Variants in KIF17 observed in about 807,000 individuals in gnomAD.
KIF17 encodes the protein kinesin-like protein KIF17.
Under a neutral mutation model 96.8 loss-of-function variants are expected in KIF17, and 80 were observed. The observed-to-expected ratio is 0.83, with a 90% confidence interval of 0.69 to 1.00. KIF17 has a LOEUF of 1.00. Among genes scored for constraint, KIF17 ranks in the 50% least tolerant of loss-of-function variants. KIF17 has a pLI of 0.00. For synonymous variants in KIF17, 567 were observed against 587.5 expected (o/e 0.97, Z 0.51); for missense variants, 1,280 against 1,372.9 (o/e 0.93, Z 1.07).
rs774976007 is a variant in KIF17 at position 20,684,916 on chromosome 1, C to T, written c.2124G>A (p.Glu708=). The T allele has an allele frequency of 3.8e-6, 6 of 1,595,214 alleles. No individual in the cohort carries two copies. The East Asian group carries it at 9.2e-5, about 24-fold the overall frequency. ...QAPVALVAQP[E]PLPATAGVKR... ...TCACACCAGCTGTGGCCGGCAGGGG[C>T]TCAGGCTGAGCCACCAGGGCCACCG... is the stretch of plus-strand genomic sequence containing the variant. Residue 708 remains glutamate (E), a synonymous_variant, in exon 10 of 15, where the codon GAG becomes GAA. Transcript: ENST00000400463.
chr1:20,701,794 G>A (rs548302426), intron 5 of KIF17, among the ~76,000 whole-genome samples: 11 of 152,312 alleles, frequency 7.2e-5, no homozygotes, highest in East Asian at 1.9e-4. Context: ...GGAGGCCATC[G>A]GTGACAAGGA....
chr1:20,686,921 G>A (rs1417130026), intron 8 of KIF17, among the ~76,000 whole-genome samples: 1 of 152,160 alleles, frequency 6.6e-6, no homozygotes, highest in Non-Finnish European at 1.5e-5. Context: ...GTTGGTCAGG[G>A]GGCCAGATGG....
At chr1:20,698,925 A>C (rs1380345309) in intron 5 of KIF17, among the ~76,000 whole-genome samples, 1 of 152,150 alleles carries the variant, frequency 6.6e-6, no homozygotes, top group Non-Finnish European at 1.5e-5. Flanking sequence ...TGGGAGTCAG[A>C]AGCAGTTAGA....
chr1:20,677,098 C>CTATA (rs1192536068), intron 11 of KIF17, among the ~76,000 whole-genome samples: 1 of 152,188 alleles, frequency 6.6e-6, no homozygotes, highest in East Asian at 1.9e-4. Flanking sequence ...GTAGTCCCAG[C>CTATA]TATTCGGGAG....
chr1:20,686,958 G>C (rs770146118), intron 8 of KIF17, among the ~76,000 whole-genome samples: 1 of 152,110 alleles, frequency 6.6e-6, no homozygotes, highest in Non-Finnish European at 1.5e-5. Context: ...CAGAAGCCTC[G>C]TGGTCACTGA....
chr1:20,717,275 T>C (rs2054594216), intron 1 of KIF17: 1 of 600,914 alleles, frequency 1.7e-6, no homozygotes, highest in Admixed American at 3.0e-5. Flanking sequence ...ACGCTGGGGA[T>C]AGTGCAGACC....
At chr1:20,674,395 G>A (rs1485571961) in intron 11 of KIF17, among the ~76,000 whole-genome samples, 1 of 152,036 alleles carries the variant, frequency 6.6e-6, no homozygotes, top group Admixed American at 6.6e-5. Context: ...TGAGTAGCAG[G>A]GACTCCAGGT....
chr1:20,711,064 C>T (rs2054426772), intron 3 of KIF17, among the ~76,000 whole-genome samples: 1 of 152,120 alleles, frequency 6.6e-6, no homozygotes. Context: ...TGTTCTGTGA[C>T]TTGCTGGTTG....
chr1:20,691,418 A>G lies in KIF17; in HGVS notation c.1234-1083T>C, dbSNP rs1005182121. Among the ~76,000 whole-genome samples the G allele has an allele frequency of 2.6e-5, 4 of 151,508 alleles. No individual in the cohort carries two copies. The East Asian group carries it at 7.8e-4, about 29-fold the overall frequency. ...CACCCCAGCCTCCCAGAGTGTTGGG[A>G]TTACAGGCATAAGCCACCACACCCA... On this transcript the variant is annotated intron_variant, in intron 6 of 14. Coordinates refer to ENST00000400463, the MANE Select transcript of KIF17 (RefSeq NM_001122819.3).
At chr1:20,681,471 C>T (rs1054235737) in intron 11 of KIF17, among the ~76,000 whole-genome samples, 6 of 151,930 alleles carry the variant, frequency 3.9e-5, no homozygotes, top group East Asian at 2.0e-4. Context: ...GGATTACAGG[C>T]GAGAGCCACC....
At chr1:20,711,699 C>T (rs1043054844) in intron 3 of KIF17, among the ~76,000 whole-genome samples, 3 of 152,178 alleles carry the variant, frequency 2.0e-5, no homozygotes, top group African/African-American at 4.8e-5. Flanking sequence ...GGGGATAGAA[C>T]TCTGCTTCCC....
intron 11 of KIF17, among the ~76,000 whole-genome samples, chr1:20,677,501 G>T (rs956760283): frequency 1.3e-5 from 2 of 152,188 alleles, no homozygotes; most frequent in Non-Finnish European, 2.9e-5. Flanking sequence ...TGTTTATCAA[G>T]AGAGGACTGA....
chr1:20,682,878 C>G lies in KIF17; in HGVS notation c.2238G>C (p.Gln746His). ...CACCCACAACCTGCTGCTCCAACAG[C>G]TGCAGACTGCCGGCGTGGAGGAGAA... is the stretch of plus-strand genomic sequence containing the variant. ...VDQQQVLARL[Q>H]LLEQQVVGGE... Residue 746 changes from glutamine (Q) to histidine (H), a missense_variant, in exon 11 of 15, where the codon CAG (glutamine) becomes CAC (histidine). Transcript: ENST00000400463. The G allele has an allele frequency of 1.2e-6, 2 of 1,609,896 alleles. No individual in the cohort carries two copies. Among genetic ancestry groups the G allele is most frequent in the Non-Finnish European group, 1.7e-6 (2 of 1,179,410 alleles).
At position 20,672,341 on chromosome 1, in the gene KIF17, A is replaced by G; in HGVS notation, c.2464-145T>C. The G allele has an allele frequency of 9.9e-7, 1 of 1,005,184 alleles. No homozygotes were observed. Among genetic ancestry groups the G allele is most frequent in the East Asian group, 2.6e-5 (1 of 38,218 alleles). The allele number at this position is 1,005,184 out of a possible 1,614,324, so 62.3% of individuals were successfully genotyped here. A position where few individuals can be genotyped will look rare whatever the true frequency, so the allele number is the denominator to read the frequency against. On this transcript the variant is annotated intron_variant, in intron 11 of 14. Coordinates refer to ENST00000400463, the MANE Select transcript of KIF17 (RefSeq NM_001122819.3). The surrounding 1 kb of genome is among the most constrained non-coding windows in gnomAD (Gnocchi z 4.3). ...CCATCCATTCTCATCCCCACCATCC[A>G]TCCAGCCATCCTTCCCTCCATCCAT...
chr1:20,706,993 G>A (rs2054353678), intron 4 of KIF17, among the ~76,000 whole-genome samples: 1 of 152,140 alleles, frequency 6.6e-6, no homozygotes, highest in African/African-American at 2.4e-5. Context: ...CTACTCAGGA[G>A]GCTGAGGTGG....
intron 7 of KIF17, among the ~76,000 whole-genome samples, chr1:20,689,153 G>T (rs2053991743): frequency 6.6e-6 from 1 of 152,158 alleles, no homozygotes; most frequent in Non-Finnish European, 1.5e-5. Context: ...GAGGCTCAGT[G>T]AGGAGGTGCA....
intron 5 of KIF17, among the ~76,000 whole-genome samples, chr1:20,701,105 C>T (rs928539322): frequency 5.3e-5 from 8 of 152,100 alleles, no homozygotes; most frequent in African/African-American, 1.7e-4. Flanking sequence ...TTCAGTGGCG[C>T]GGATCTCTGT....
chr1:20,705,004 C>A, intron 4 of KIF17, 105 bp from the exon 5 acceptor site: 1 of 1,000,236 alleles, frequency 1.0e-6, no homozygotes, highest in African/African-American at 1.6e-5. Context: ...ACCGAGGGTT[C>A]CCCTCAGCTG....
At position 20,685,065 on chromosome 1, in the gene KIF17, A is replaced by T; in HGVS notation, c.2020-45T>A. 6.7e-7 allele frequency: 1 copy of T among 1,494,276 alleles called. No homozygotes were observed. The highest frequency in any genetic ancestry group is 9.1e-7 in the Non-Finnish European group (1 of 1,094,634). The allele number at this position is 1,494,276 out of a possible 1,614,324, so 92.6% of individuals were successfully genotyped here. The stretch of plus-strand genomic sequence containing the variant: ...CAGGTGGAGGTGGGAAGGCCGCCCC[A>T]ACCCCCGCCGACAGCTCCCAGGTGG... On this transcript the variant is annotated intron_variant, in intron 9 of 14. Transcript: ENST00000400463. The surrounding 1 kb of genome is among the most constrained non-coding windows in gnomAD (Gnocchi z 4.1).
Sources: gnomAD v4.1 joint callset for allele counts (sites outside exome capture counted in the v4.1 genomes callset) on GRCh38, gnomAD v4.1.1 for gene constraint, Gnocchi (gnomAD v3.1) non-coding constraint, MANE v1.5 for transcripts, NCBI Gene and HGNC (gene_info 2026-07-23, HGNC 2026-07-21) for gene names.